The following PAPPA2 variants were observed in gnomAD, a reference collection of about 807,000 sequenced individuals.
The protein encoded by PAPPA2 is pappalysin-2.
PAPPA2 carries 86 observed loss-of-function variants against 176.4 expected under a neutral mutation model. The observed-to-expected ratio is 0.49, with a 90% CI of 0.41 to 0.58. PAPPA2 has a LOEUF of 0.58. Among genes scored for constraint, PAPPA2 ranks in the 20% least tolerant of loss-of-function variants. PAPPA2 has a pLI of 0.00. For missense variants in PAPPA2, 2,073 were observed against 2,256.9 expected (o/e 0.92, Z 1.65); for synonymous variants, 809 against 852.2 (o/e 0.95, Z 0.88).
chr1:176,741,633 G>T (rs1662682546), intron 14 of PAPPA2, among the ~76,000 whole-genome samples: 1 of 152,108 alleles, frequency 6.6e-6, no homozygotes, highest in Non-Finnish European at 1.5e-5. Context: ...ATGAATCTCT[G>T]GGGGCCAGTA....
chr1:176,552,216 C>T (rs992219694), intron 1 of PAPPA2, among the ~76,000 whole-genome samples: 6 of 151,292 alleles, frequency 4.0e-5, no homozygotes, highest in Admixed American at 2.0e-4. Flanking sequence ...TTCATTCTTC[C>T]CTCTTCTCTT....
chr1:176,825,019 C>A (rs1159860904), intron 21 of PAPPA2, among the ~76,000 whole-genome samples: 1 of 152,102 alleles, frequency 6.6e-6, no homozygotes, highest in Admixed American at 6.5e-5. Context: ...CCTGTGGGCC[C>A]AGCCTGAGCG....
intron 3 of PAPPA2, among the ~76,000 whole-genome samples, chr1:176,618,296 T>C (rs960857579): frequency 9.2e-5 from 14 of 152,174 alleles, no homozygotes; most frequent in Non-Finnish European, 1.8e-4. Context: ...CAAAACAGTT[T>C]TCCCAGATGT....
At chr1:176,786,411 C>A (rs991824875) in intron 17 of PAPPA2, among the ~76,000 whole-genome samples, 2 of 152,100 alleles carry the variant, frequency 1.3e-5, no homozygotes, top group Non-Finnish European at 2.9e-5. Context: ...AGGGGGAATT[C>A]TTAGGGGCTA....
chr1:176,479,910 G>A (rs952767167), intron 1 of PAPPA2, among the ~76,000 whole-genome samples: 1 of 152,206 alleles, frequency 6.6e-6, no homozygotes, highest in South Asian at 2.1e-4. Flanking sequence ...AGCATAGAAA[G>A]TTAGAAAAGA....
intron 1 of PAPPA2, among the ~76,000 whole-genome samples, chr1:176,472,479 C>T (rs186458476): frequency 3.4e-4 from 51 of 152,224 alleles, no homozygotes; most frequent in African/African-American, 9.1e-4. Flanking sequence ...TCAGTCTAGG[C>T]TCATCTTACA....
At position 176,684,333 on chromosome 1, in the gene PAPPA2, G is replaced by C. The variant is rs542999169; in HGVS notation, c.2138-5804G>C. ...CCCCTGAGTAAGTATTCCTGGTCTT[G>C]TTATCAGTCCGTCGACAGCCTTGCA... On this transcript the variant is annotated intron_variant, in intron 4 of 22. Coordinates refer to ENST00000367662, the MANE Select transcript of PAPPA2 (RefSeq NM_020318.3). Among the ~76,000 whole-genome samples, 9 of 152,268 alleles carry C rather than the reference G, an allele frequency of 5.9e-5. No individual in the cohort carries two copies. The South Asian group carries it at 1.9e-3, about 32-fold the overall frequency.
At chr1:176,816,402 C>CAT (rs939361350) in intron 21 of PAPPA2, among the ~76,000 whole-genome samples, 2 of 141,798 alleles carry the variant, frequency 1.4e-5, no homozygotes, top group Non-Finnish European at 3.1e-5. Flanking sequence ...CACACACACA[C>CAT]GCATACACAC....
In PAPPA2 at chr1:176,843,208, C is replaced by T. The variant is rs1010161721; in HGVS notation, c.*754C>T. The T allele has an allele frequency of 6.6e-6, 1 of 151,900 alleles. No homozygotes were observed. Among genetic ancestry groups the T allele is most frequent in the Non-Finnish European group, 1.5e-5 (1 of 67,992 alleles). 9.4% of individuals were successfully genotyped at this position (151,900 alleles called of 1,614,324 possible). A position where few individuals can be genotyped will look rare whatever the true frequency, so the allele number is the denominator to read the frequency against. On this transcript the variant is annotated 3_prime_UTR_variant, in exon 23 of 23. Coordinates refer to ENST00000367662, the MANE Select transcript of PAPPA2 (RefSeq NM_020318.3). ...GGAGAGAGAGTAATTAGATGGAATT[C>T]TGGATGCTAGCATGTAAAGCTAATC...
intron 1 of PAPPA2, among the ~76,000 whole-genome samples, chr1:176,473,230 C>G (rs960057956): frequency 1.3e-5 from 2 of 152,176 alleles, no homozygotes; most frequent in African/African-American, 4.8e-5. Flanking sequence ...AACCACTTAT[C>G]TTTTTACTGT....
intron 17 of PAPPA2, among the ~76,000 whole-genome samples, chr1:176,777,189 C>A (rs1473520838): frequency 6.6e-6 from 1 of 152,118 alleles, no homozygotes; most frequent in Non-Finnish European, 1.5e-5. Flanking sequence ...GGTAAAACAT[C>A]ATTGCGAGAA....
intron 14 of PAPPA2, among the ~76,000 whole-genome samples, chr1:176,759,693 C>A (rs1455344936): frequency 6.6e-6 from 1 of 152,098 alleles, no homozygotes; most frequent in African/African-American, 2.4e-5. Flanking sequence ...TGCCAATGTC[C>A]CTGCGATAGC....
intron 21 of PAPPA2, among the ~76,000 whole-genome samples, chr1:176,820,715 TTC>T (rs1666628650): frequency 1.3e-5 from 2 of 152,116 alleles, no homozygotes; most frequent in Non-Finnish European, 1.5e-5. Context: ...CATGTGCAAA[TTC>T]TCTCCTGATT....
intron 1 of PAPPA2, among the ~76,000 whole-genome samples, chr1:176,496,643 C>T (rs956616307): frequency 6.6e-6 from 1 of 152,236 alleles, no homozygotes; most frequent in African/African-American, 2.4e-5. Context: ...GCTTATTGCT[C>T]ATGAAGTCAT....
chr1:176,483,485 T>A (rs866992178), intron 1 of PAPPA2, among the ~76,000 whole-genome samples: 218 of 143,502 alleles, frequency 1.5e-3, no homozygotes, highest in African/African-American at 5.5e-3. Context: ...TTTTTTTTTT[T>A]TTTGAGATGA....
chr1:176,695,962 GTGTA>G (rs1272933757), intron 7 of PAPPA2, 103 bp downstream of exon 7: 22 of 1,286,988 alleles, frequency 1.7e-5, no homozygotes, highest in African/African-American at 7.7e-5. Flanking sequence ...GGCAATGTAT[GTGTA>G]TGTGTGTGTG....
At chr1:176,735,412 G>A (rs777663929) in intron 12 of PAPPA2, among the ~76,000 whole-genome samples, 3 of 152,090 alleles carry the variant, frequency 2.0e-5, no homozygotes, top group Admixed American at 6.6e-5. Context: ...CAAGTTTGTG[G>A]TAGAGTTTCA....
At chr1:176,695,214 A>T (rs1206145370) in intron 6 of PAPPA2, among the ~76,000 whole-genome samples, 1 of 152,194 alleles carries the variant, frequency 6.6e-6, no homozygotes, top group Non-Finnish European at 1.5e-5. Context: ...AATAATTTGG[A>T]TATATCTCCA....
chr1:176,470,604 G>A (rs893331623), intron 1 of PAPPA2, among the ~76,000 whole-genome samples: 4 of 152,160 alleles, frequency 2.6e-5, no homozygotes, highest in Admixed American at 2.6e-4. Flanking sequence ...GAACTAATTG[G>A]AGGAAAGAAT....
Sources: allele counts gnomAD v4.1 joint callset (sites outside exome capture counted in the v4.1 genomes callset), GRCh38; gene constraint gnomAD v4.1.1; transcripts MANE v1.5; gene names NCBI Gene and HGNC (gene_info 2026-07-23, HGNC 2026-07-21).